The following LMO7 variants were observed in gnomAD, a reference collection of about 807,000 sequenced individuals.
LMO7 encodes LIM domain only protein 7.
A neutral mutation model predicts 206.5 loss-of-function variants in LMO7; 120 were observed. The ratio of observed to expected loss-of-function variants is 0.58; its 90% CI spans 0.50 to 0.68. The LOEUF is 0.68. Among genes scored for constraint, LMO7 ranks in the 30% least tolerant of loss-of-function variants. LMO7 has a pLI of 0.00. For synonymous variants in LMO7, 706 were observed against 681.5 expected (o/e 1.04, Z -0.56); for missense variants, 1,959 against 1,957.9 (o/e 1.00, Z -0.01).
At chr13:75,779,350 A>T (rs1193639209) in intron 4 of LMO7, among the ~76,000 whole-genome samples, 3 of 151,908 alleles carry the variant, frequency 2.0e-5, no homozygotes, top group Non-Finnish European at 2.9e-5. Flanking sequence ...ATGGGGGGAG[A>T]ACTCATTCAA....
Position 75,794,336 on chromosome 13 carries a change from G to C in LMO7, c.318-1065G>C, listed in dbSNP as rs188095764. Among the ~76,000 whole-genome samples, 3 of 152,172 alleles carry C rather than the reference G, an allele frequency of 2.0e-5. No individual in the cohort carries two copies. In the East Asian group the frequency reaches 5.8e-4, roughly 29 times the overall value. On this transcript the variant is annotated intron_variant, in intron 4 of 30. Transcript: ENST00000377534. ...ATGTTTTTTTGGGAGGTGGGTAAGA[G>C]GTGCATGCTCTTCTTAGGTTCATTT...
chr13:75,666,413 G>A (rs1364247758), intron 1 of LMO7, among the ~76,000 whole-genome samples: 1 of 152,182 alleles, frequency 6.6e-6, no homozygotes, highest in East Asian at 1.9e-4. Flanking sequence ...TTTGTTTCAG[G>A]ATCTAGAAAT....
chr13:75,832,992 C>T lies in LMO7; in HGVS notation c.2950-59C>T, dbSNP rs202147881. The stretch of plus-strand genomic sequence containing the variant: ...CAGTCTCCCTCCTTTCATGGATAGA[C>T]TTTCCTCCATGTGGGTGCCAGGGAC... On this transcript the variant is annotated intron_variant, in intron 15 of 30. Coordinates refer to ENST00000377534, the MANE Select transcript of LMO7 (RefSeq NM_001306080.2). The T allele has an allele frequency of 1.8e-4, 161 of 905,350 alleles. No homozygotes were observed. In the African/African-American group the frequency reaches 2.4e-3, roughly 13 times the overall value. The allele number at this position is 905,350 out of a possible 1,614,324, so 56.1% of individuals were successfully genotyped here.
intron 1 of LMO7, among the ~76,000 whole-genome samples, chr13:75,639,608 C>T (rs2036312854): frequency 6.6e-6 from 1 of 152,224 alleles, no homozygotes; most frequent in African/African-American, 2.4e-5. Flanking sequence ...GCCTCTTCTG[C>T]AGTACCTTTT....
rs1186671184 is a variant in LMO7, at chr13:75,800,869, A to AG, written c.654dup (p.Arg219AlafsTer2). ...GCTGCTCCTCTGATATCACGTTGAG[A>AG]GGGGGGCGTGAAGGTGTGTTGTGTT... On this transcript the variant is annotated frameshift_variant, in exon 7 of 31. Transcript: ENST00000377534. LOFTEE classifies it high-confidence loss of function. 2.5e-6 allele frequency: 4 copies of AG among 1,613,678 alleles called. No individual in the cohort carries two copies. The highest frequency in any genetic ancestry group is 2.2e-5 in the South Asian group (2 of 91,066).
At chr13:75,695,217 G>A (rs563776266) in intron 1 of LMO7, among the ~76,000 whole-genome samples, 2 of 152,326 alleles carry the variant, frequency 1.3e-5, no homozygotes, top group African/African-American at 2.4e-5. Flanking sequence ...CTTCTTGGTT[G>A]TACCTTCTTG....
intron 20 of LMO7, among the ~76,000 whole-genome samples, chr13:75,838,877 T>C (rs566003520): frequency 1.3e-5 from 2 of 152,286 alleles, no homozygotes; most frequent in South Asian, 4.1e-4. Context: ...ATGAATGCCG[T>C]TCAAGCTCTG....
intron 11 of LMO7, among the ~76,000 whole-genome samples, chr13:75,811,719 T>C (rs1228054960): frequency 6.6e-6 from 1 of 152,236 alleles, no homozygotes; most frequent in Non-Finnish European, 1.5e-5. Flanking sequence ...GTTTCTTCTA[T>C]GTGCTTTCGT....
intron 11 of LMO7, among the ~76,000 whole-genome samples, chr13:75,814,410 T>A (rs1318914459): frequency 6.6e-6 from 1 of 152,094 alleles, no homozygotes; most frequent in Non-Finnish European, 1.5e-5. Flanking sequence ...ACACATGCAC[T>A]GTAACAGACA....
intron 1 of LMO7, among the ~76,000 whole-genome samples, chr13:75,702,178 T>G (rs9318368): frequency 0.015 from 2,286 of 152,228 alleles, 52 homozygotes; most frequent in African/African-American, 0.049. Flanking sequence ...TTTGAGTGTT[T>G]ATAAAGACAG....
intron 1 of LMO7, among the ~76,000 whole-genome samples, chr13:75,655,235 C>G (rs1016214691): frequency 2.0e-5 from 3 of 152,180 alleles, no homozygotes; most frequent in Non-Finnish European, 4.4e-5. Flanking sequence ...TGAGTAGTTT[C>G]TTATCTAGCT....
intron 1 of LMO7, among the ~76,000 whole-genome samples, chr13:75,709,673 G>C (rs1463152189): frequency 2.0e-5 from 3 of 152,084 alleles, no homozygotes; most frequent in African/African-American, 4.8e-5. Context: ...AGATTTGTTT[G>C]AGTTCATTGT....
upstream of LMO7, among the ~76,000 whole-genome samples, chr13:75,632,862 G>GTTTGT (rs2035129217): frequency 2.0e-5 from 2 of 102,152 alleles, no homozygotes; most frequent in East Asian, 2.5e-4. Flanking sequence ...TTACTTAAAA[G>GTTTGT]TTTTTTTTTT....
intron 1 of LMO7, among the ~76,000 whole-genome samples, chr13:75,664,655 A>G (rs1412163709): frequency 6.6e-6 from 1 of 152,210 alleles, no homozygotes; most frequent in African/African-American, 2.4e-5. Context: ...CCAACAGTGT[A>G]TGAGGGTTCC....
intron 1 of LMO7, among the ~76,000 whole-genome samples, chr13:75,647,945 T>TC (rs1743701542): frequency 1.6e-5 from 1 of 63,028 alleles, no homozygotes; most frequent in African/African-American, 5.0e-5. Context: ...TTGTTTTCTT[T>TC]TCTTTCTTTT....
Position 75,840,114 on chromosome 13 carries a change from A to G in LMO7, c.3477+4A>G. The G allele has an allele frequency of 6.2e-7, 1 of 1,613,922 alleles. No homozygotes were observed. Among genetic ancestry groups the G allele is most frequent in the Non-Finnish European group, 8.5e-7 (1 of 1,179,816 alleles). Reference sequence around the variant, plus strand: ...CTCTGATTCGGTGGTTCCTGATGTAAGTAGCATTCATTTGTCATTTGGAAT... The same window carrying G: ...CTCTGATTCGGTGGTTCCTGATGTAGGTAGCATTCATTTGTCATTTGGAAT... On this transcript the variant is annotated splice_donor_region_variant and intron_variant, in intron 21 of 30. Transcript: ENST00000377534.
rs756968825 is a variant in LMO7 at position 75,800,834 on chromosome 13, T to A, written c.613T>A (p.Ser205Thr). 2.5e-6 allele frequency: 4 copies of A among 1,613,818 alleles called. No homozygotes were observed. Among genetic ancestry groups the A allele is most frequent in the Non-Finnish European group, 3.4e-6 (4 of 1,179,936 alleles). The change falls in exon 7 of 31, where the codon TCA becomes ACA. Residue 205 changes from serine to threonine, a missense_variant. Transcript: ENST00000377534. ...FESLDSLGSR[S>T]LTSCSSDITL... ...AAGCTTGGACTCTTTGGGCTCGAGG[T>A]CATTGACAAGCTGCTCCTCTGATAT... is the stretch of plus-strand genomic sequence containing the variant.
Position 75,809,160 on chromosome 13 carries a change from T to C in LMO7, c.1923T>C (p.Phe641=). 2 of 1,612,340 alleles carry C rather than the reference T, an allele frequency of 1.2e-6. No homozygotes were observed. Among genetic ancestry groups the C allele is most frequent in the Non-Finnish European group, 1.7e-6 (2 of 1,178,652 alleles). Reference sequence around the variant, plus strand: ...TGGTTTTCTGGTTTCTTAGACTCTTTCAAAAGATTTATGGTGAGAATGGGT... The same window carrying C: ...TGGTTTTCTGGTTTCTTAGACTCTTCCAAAAGATTTATGGTGAGAATGGGT... ...HKKRLMVERL[F]QKIYGENGSK... is the part of the protein sequence containing the mutation. Residue 641 remains phenylalanine, a synonymous_variant, in exon 11 of 31, where the codon TTT becomes TTC. Coordinates refer to ENST00000377534, the MANE Select transcript of LMO7 (RefSeq NM_001306080.2).
chr13:75,732,013 T>A (rs1382751127), intron 3 of LMO7, among the ~76,000 whole-genome samples: 3 of 152,190 alleles, frequency 2.0e-5, no homozygotes, highest in Admixed American at 2.0e-4. Flanking sequence ...CTGATGGGTT[T>A]CCCTTTGTGG....
Sources: gnomAD v4.1 joint callset for allele counts (sites outside exome capture counted in the v4.1 genomes callset) on GRCh38, gnomAD v4.1.1 for gene constraint, MANE v1.5 for transcripts, NCBI Gene and HGNC (gene_info 2026-07-23, HGNC 2026-07-21) for gene names.